KIAA1217: variants seen among roughly 807,000 people sequenced by gnomAD.
KIAA1217 encodes sickle tail protein homolog.
In KIAA1217, 88 loss-of-function variants were observed where a neutral mutation model predicts 163.9. The observed-to-expected ratio is 0.54, with a 90% CI of 0.45 to 0.64. The LOEUF is 0.64. Ranked by LOEUF, KIAA1217 falls within the 30% of genes least tolerant of loss-of-function variation. The pLI is 0.00. For synonymous variants in KIAA1217, 903 were observed against 923.1 expected (o/e 0.98, Z 0.39); for missense variants, 2,372 against 2,475.0 (o/e 0.96, Z 0.88).
At chr10:24,044,497 C>T (rs746589950) in intron 2 of KIAA1217, among the ~76,000 whole-genome samples, 1 of 152,032 alleles carries the variant, frequency 6.6e-6, no homozygotes, top group African/African-American at 2.4e-5. Flanking sequence ...CACCCTGATA[C>T]ATTTCTGACT....
At position 23,834,445 on chromosome 10, in the gene KIAA1217, C is replaced by G. The variant is rs146513192; in HGVS notation, c.-321+139211C>G. Among the ~76,000 whole-genome samples the G allele has an allele frequency of 3.8e-3, 577 of 152,188 alleles. 9 individuals are homozygous for G. Among genetic ancestry groups the G allele is most frequent in the African/African-American group, 0.013 (532 of 41,518 alleles). On this transcript the variant is annotated intron_variant, in intron 1 of 18. Transcript: ENST00000376462. ...TATATTCTAGGCATTATTCTAAGTC[C>G]TGGAGGTTTAGCTGTAAACAAAACA...
chr10:24,462,879 C>T (rs545332403), intron 5 of KIAA1217, among the ~76,000 whole-genome samples: 22 of 152,196 alleles, frequency 1.4e-4, no homozygotes, highest in African/African-American at 5.3e-4. Context: ...AAGTCTAAGG[C>T]GCTAAAAAGT....
At chr10:23,859,096 T>TAATG (rs1276326183) in intron 1 of KIAA1217, among the ~76,000 whole-genome samples, 5 of 152,254 alleles carry the variant, frequency 3.3e-5, no homozygotes, top group Non-Finnish European at 7.3e-5. Flanking sequence ...ATTCCACATG[T>TAATG]AATGTGTGTG....
intron 2 of KIAA1217, among the ~76,000 whole-genome samples, chr10:24,074,978 C>A (rs905434022): frequency 6.6e-6 from 1 of 152,076 alleles, no homozygotes; most frequent in Non-Finnish European, 1.5e-5. Flanking sequence ...AGATTACAGA[C>A]ATGAGTCACC....
intron 2 of KIAA1217, among the ~76,000 whole-genome samples, chr10:24,059,924 A>G (rs1270263454): frequency 6.6e-6 from 1 of 152,084 alleles, no homozygotes; most frequent in African/African-American, 2.4e-5. Context: ...GTTTCTAGGA[A>G]TGTATCCATT....
At chr10:24,421,306 G>A (rs1354957544) in intron 3 of KIAA1217, among the ~76,000 whole-genome samples, 1 of 152,106 alleles carries the variant, frequency 6.6e-6, no homozygotes, top group African/African-American at 2.4e-5. Context: ...ATGCCTGGCT[G>A]TAAGTGGTAT....
At chr10:23,859,543 A>C (rs2131129847) in intron 1 of KIAA1217, among the ~76,000 whole-genome samples, 1 of 152,350 alleles carries the variant, frequency 6.6e-6, no homozygotes, top group East Asian at 1.9e-4. Context: ...AGGGACACCC[A>C]AGGGATTACC....
At chr10:24,455,807 A>G (rs2061726387) in intron 5 of KIAA1217, among the ~76,000 whole-genome samples, 1 of 152,250 alleles carries the variant, frequency 6.6e-6, no homozygotes, top group East Asian at 1.9e-4. Context: ...TAACACTACG[A>G]AATGAATTGG....
intron 9 of KIAA1217, among the ~76,000 whole-genome samples, chr10:24,507,120 C>A (rs1474918766): frequency 6.6e-6 from 1 of 152,126 alleles, no homozygotes; most frequent in African/African-American, 2.4e-5. Flanking sequence ...ACTAAACTAG[C>A]CCCAGAGGAA....
intron 1 of KIAA1217, among the ~76,000 whole-genome samples, chr10:23,826,467 C>A (rs1410172685): frequency 3.3e-5 from 5 of 152,126 alleles, no homozygotes; most frequent in Non-Finnish European, 5.9e-5. Flanking sequence ...AGGATAGAAT[C>A]GCTTGAGCCC....
intron 2 of KIAA1217, among the ~76,000 whole-genome samples, chr10:24,019,584 A>G (rs1270421186): frequency 6.6e-6 from 1 of 151,910 alleles, no homozygotes; most frequent in East Asian, 1.9e-4. Flanking sequence ...TAAATGTTTT[A>G]GGCTTAGGGG....
intron 1 of KIAA1217, among the ~76,000 whole-genome samples, chr10:23,701,465 T>C (rs1270943885): frequency 1.3e-5 from 2 of 152,130 alleles, no homozygotes; most frequent in Non-Finnish European, 2.9e-5. Flanking sequence ...CTGTCTTGGT[T>C]TTTCACAACT....
chr10:23,976,643 G>C (rs113620018), intron 1 of KIAA1217, among the ~76,000 whole-genome samples: 3,376 of 152,200 alleles, frequency 0.022, 50 homozygotes, highest in Middle Eastern at 0.071. Context: ...AGAATTATTA[G>C]GACAGATTTA....
intron 1 of KIAA1217, among the ~76,000 whole-genome samples, chr10:23,911,073 T>C (rs999208662): frequency 2.6e-5 from 4 of 152,192 alleles, no homozygotes; most frequent in African/African-American, 9.6e-5. Context: ...TAGCATGTAT[T>C]ATTTCATTTA....
intron 1 of KIAA1217, among the ~76,000 whole-genome samples, chr10:24,217,549 A>C (rs767428050): frequency 1.3e-5 from 2 of 152,230 alleles, no homozygotes; most frequent in Non-Finnish European, 2.9e-5. Context: ...AACCAGCCTG[A>C]GATGAAAATA....
intron 2 of KIAA1217, among the ~76,000 whole-genome samples, chr10:24,348,782 T>C (rs2048105749): frequency 6.6e-6 from 1 of 152,108 alleles, no homozygotes; most frequent in Admixed American, 6.5e-5. Context: ...TTGGAGAAAT[T>C]TAGGGCCCTA....
At chr10:24,167,696 C>G (rs1219230521) in intron 2 of KIAA1217, among the ~76,000 whole-genome samples, 3 of 152,188 alleles carry the variant, frequency 2.0e-5, no homozygotes, top group Non-Finnish European at 4.4e-5. Flanking sequence ...ACTCCCCTCC[C>G]TCACACAAAC....
intron 2 of KIAA1217, among the ~76,000 whole-genome samples, chr10:24,307,111 C>G (rs969622266): frequency 2.6e-5 from 4 of 152,158 alleles, no homozygotes; most frequent in Non-Finnish European, 5.9e-5. Context: ...CAGAAGGTTC[C>G]TTGAGGTCCT....
At chr10:24,424,450 G>T (rs1458053234) in intron 3 of KIAA1217, among the ~76,000 whole-genome samples, 1 of 152,192 alleles carries the variant, frequency 6.6e-6, no homozygotes, top group East Asian at 1.9e-4. Flanking sequence ...AGACTTTTTT[G>T]ATTGCTTTTG....
Sources: allele counts gnomAD v4.1 joint callset (sites outside exome capture counted in the v4.1 genomes callset), GRCh38; gene constraint gnomAD v4.1.1; transcripts MANE v1.5; gene names NCBI Gene and HGNC (gene_info 2026-07-23, HGNC 2026-07-21).